COL28A1: variants seen among roughly 807,000 people sequenced by gnomAD.
COL28A1 encodes the protein collagen alpha-1(XXVIII) chain.
COL28A1 carries 161 observed loss-of-function variants against 150.2 expected under a neutral mutation model. The ratio of observed to expected loss-of-function variants is 1.07; its 90% CI spans 0.94 to 1.22. The LOEUF is 1.22. COL28A1 is among the 50% of genes most tolerant of loss of function. The probability of loss-of-function intolerance (pLI) is 0.00; values close to 1 mark genes in which losing one functional copy is unlikely to be tolerated. For missense variants in COL28A1, 1,617 were observed against 1,388.3 expected (o/e 1.16, Z -2.62); for synonymous variants, 552 against 469.7 (o/e 1.18, Z -2.26).
intron 32 of COL28A1, among the ~76,000 whole-genome samples, chr7:7,371,680 A>G (rs1274856007): frequency 3.3e-5 from 5 of 152,204 alleles, no homozygotes; most frequent in Admixed American, 6.5e-5. Context: ...GATAAATTTT[A>G]TTATAAAGTC....
intron 15 of COL28A1, among the ~76,000 whole-genome samples, chr7:7,462,935 A>G (rs1239653784): frequency 1.3e-5 from 2 of 152,010 alleles, no homozygotes; most frequent in Admixed American, 1.3e-4. Context: ...TTAACAAGCA[A>G]AAGGAAGACC....
At chr7:7,479,285 C>T (rs11982762) in intron 13 of COL28A1, among the ~76,000 whole-genome samples, 58,119 of 152,146 alleles carry the variant, frequency 0.38, 13,723 homozygotes, top group African/African-American at 0.67. Context: ...AAGAATAATA[C>T]TCCCATTGTA....
At chr7:7,487,714 CA>C (rs1344643065) in intron 13 of COL28A1, among the ~76,000 whole-genome samples, 1 of 152,144 alleles carries the variant, frequency 6.6e-6, no homozygotes. Context: ...AATACATCCA[CA>C]AGTTCTTTGA....
At chr7:7,439,321 GA>G (rs1329912593) in intron 21 of COL28A1, among the ~76,000 whole-genome samples, 7 of 151,994 alleles carry the variant, frequency 4.6e-5, no homozygotes, top group Non-Finnish European at 1.0e-4. Context: ...TCCAAACCTG[GA>G]AGGCAATGGC....
At chr7:7,451,426 A>G (rs1172479101) in intron 18 of COL28A1, among the ~76,000 whole-genome samples, 1 of 152,070 alleles carries the variant, frequency 6.6e-6, no homozygotes, top group East Asian at 1.9e-4. Flanking sequence ...GGGTTTCACC[A>G]TGTTGGCCAG....
At chr7:7,537,648 C>T (rs778902310), upstream of COL28A1, among the ~76,000 whole-genome samples, 1 of 152,126 alleles carries the variant, frequency 6.6e-6, no homozygotes, top group Non-Finnish European at 1.5e-5. Context: ...AGTATCTATG[C>T]GAACGTCTGT....
In COL28A1 at chr7:7,502,847, G is replaced by A. The variant is rs1320171607; in HGVS notation, c.1026+3167C>T. Among the ~76,000 whole-genome samples, 10 of 96,494 alleles carry A rather than the reference G, an allele frequency of 1.0e-4. 2 individuals carry two copies. In the South Asian group the frequency reaches 2.5e-3, roughly 24 times the overall value. 63.3% of individuals were successfully genotyped at this position (96,494 alleles called of 152,430 possible). A position where few individuals can be genotyped will look rare whatever the true frequency, so the allele number is the denominator to read the frequency against. On this transcript the variant is annotated intron_variant, in intron 11 of 34. Transcript: ENST00000399429. ...CGAGTAGCTGGGACTACAGGCGCCC[G>A]CTACCACGCCCGGCTAATTTTTTGT...
intron 27 of COL28A1, among the ~76,000 whole-genome samples, chr7:7,412,920 C>A (rs997094203): frequency 3.3e-5 from 5 of 152,068 alleles, no homozygotes; most frequent in Non-Finnish European, 7.4e-5. Context: ...AATCGAAACC[C>A]AGATTCAGGC....
chr7:7,383,285 T>C (rs1781981005), intron 27 of COL28A1, among the ~76,000 whole-genome samples: 1 of 111,984 alleles, frequency 8.9e-6, no homozygotes, highest in Admixed American at 8.5e-5. Flanking sequence ...TGTGTGTGTG[T>C]GTGTTTTTTT....
intron 8 of COL28A1, among the ~76,000 whole-genome samples, chr7:7,513,858 T>A (rs1781281727): frequency 1.3e-5 from 2 of 152,288 alleles, no homozygotes; most frequent in East Asian, 3.9e-4. Flanking sequence ...TGCAAAGGCG[T>A]TTTCCTTTTT....
intron 14 of COL28A1, among the ~76,000 whole-genome samples, chr7:7,475,178 A>G (rs995917601): frequency 6.6e-6 from 1 of 152,224 alleles, no homozygotes. Context: ...CTTCTTAGAT[A>G]TGCTCCTACA....
chr7:7,524,341 G>C, intron 3 of COL28A1, 92 bp from the exon 4 acceptor site: 1 of 797,128 alleles, frequency 1.3e-6, no homozygotes, highest in Non-Finnish European at 2.1e-6. Flanking sequence ...GGGATATGAA[G>C]TTTCCACAAA....
intron 20 of COL28A1, among the ~76,000 whole-genome samples, chr7:7,442,778 C>G (rs1179911644): frequency 1.3e-5 from 2 of 152,014 alleles, no homozygotes; most frequent in African/African-American, 4.8e-5. Context: ...GGCTCACACC[C>G]ATAATCCCAG....
At chr7:7,384,388 T>G (rs62453187) in intron 27 of COL28A1, among the ~76,000 whole-genome samples, 5,691 of 152,272 alleles carry the variant, frequency 0.037, 162 homozygotes, top group Non-Finnish European at 0.056. Context: ...TAGAATACAG[T>G]AGTCCCCCTT....
intron 20 of COL28A1, 110 bp downstream of exon 20, chr7:7,443,475 A>G: frequency 1.3e-6 from 2 of 1,504,304 alleles, no homozygotes; most frequent in Non-Finnish European, 1.8e-6. Context: ...TTTAAGCCAG[A>G]CATAAACACA....
intron 25 of COL28A1, among the ~76,000 whole-genome samples, chr7:7,429,603 T>C (rs1314015374): frequency 6.6e-6 from 1 of 152,144 alleles, no homozygotes. Flanking sequence ...TAGAAGCTGG[T>C]ATTTTCTTTT....
chr7:7,520,869 G>A lies in COL28A1; in HGVS notation c.760-754C>T, dbSNP rs577868147. Among the ~76,000 whole-genome samples the A allele has an allele frequency of 2.9e-4, 44 of 152,294 alleles. 1 individual carries two copies. The South Asian group carries it at 6.0e-3, about 21-fold the overall frequency. ...GAGATAAACGAAGACTTTATAGGAA[G>A]GGATGGCTAAACCTTTGCTTTAGCC... On this transcript the variant is annotated intron_variant, in intron 5 of 34. Coordinates refer to ENST00000399429, the MANE Select transcript of COL28A1 (RefSeq NM_001037763.3).
the COL28A1 span, among the ~76,000 whole-genome samples, chr7:7,346,149 A>G: frequency 2.0e-5 from 3 of 151,990 alleles, no homozygotes. Flanking sequence ...GTGTTCTACT[A>G]TTTGCTCTAA....
At chr7:7,434,383 T>A (rs1371508297) in intron 23 of COL28A1, among the ~76,000 whole-genome samples, 1 of 152,176 alleles carries the variant, frequency 6.6e-6, no homozygotes, top group Non-Finnish European at 1.5e-5. Context: ...GATGAAGCTC[T>A]AAACATCTGC....
Sources: allele counts gnomAD v4.1 joint callset (sites outside exome capture counted in the v4.1 genomes callset), GRCh38; gene constraint gnomAD v4.1.1; transcripts MANE v1.5; gene names NCBI Gene and HGNC (gene_info 2026-07-23, HGNC 2026-07-21).